The following TCEAL4 variants were observed in gnomAD, a reference collection of about 807,000 sequenced individuals.
The protein encoded by TCEAL4 is transcription elongation factor A protein-like 4.
Under a neutral mutation model 1.3 loss-of-function variants are expected in TCEAL4, and 1 was observed. The observed-to-expected ratio is 0.79, with a 90% confidence interval of 0.28 to 3.76. The LOEUF (loss-of-function observed/expected upper bound fraction) is 3.76, where lower values mean the gene tolerates loss of function less well. Ranked by LOEUF, TCEAL4 falls within the 30% of genes most tolerant of loss-of-function variation. TCEAL4 has a pLI of 0.18. For synonymous variants in TCEAL4, 54 were observed against 50.7 expected, an observed-to-expected ratio of 1.06 and a Z score of -0.28; for missense variants, 129 against 154.7, an observed-to-expected ratio of 0.83 and a Z score of 0.88.
chrX:103,586,653 G>A lies in TCEAL4; in HGVS notation c.-23G>A, dbSNP rs1340173498. 3 of 1,207,291 alleles carry A rather than the reference G, an allele frequency of 2.5e-6. No individual in the cohort carries two copies. Among genetic ancestry groups the A allele is most frequent in the Non-Finnish European group, 2.2e-6 (2 of 893,874 alleles). ...TCCTCCACCCCCATCCCCCAGGACA[G>A]GAAAAGGAGGGGAAATCTCGACATG... On this transcript the variant is annotated 5_prime_UTR_variant, in exon 3 of 3. Coordinates refer to ENST00000472484, the MANE Select transcript of TCEAL4 (RefSeq NM_001006935.3).
In TCEAL4 at chrX:103,585,520, G is replaced by A; in HGVS notation, c.-205G>A. 1 of 1,146,261 alleles carries A rather than the reference G, an allele frequency of 8.7e-7. No individual in the cohort carries two copies. Among genetic ancestry groups the A allele is most frequent in the Non-Finnish European group, 1.2e-6 (1 of 859,845 alleles). 94.5% of individuals were successfully genotyped at this position (1,146,261 alleles called of 1,213,427 possible). Reference sequence around the variant, plus strand: ...CTGCGGCATTCACGTGATCTGCACGGGCGCAGATGTAGGCACCGGTCCGAG... The same window carrying A: ...CTGCGGCATTCACGTGATCTGCACGAGCGCAGATGTAGGCACCGGTCCGAG... On this transcript the variant is annotated 5_prime_UTR_variant, in exon 1 of 3. Coordinates refer to ENST00000472484, the MANE Select transcript of TCEAL4 (RefSeq NM_001006935.3).
chrX:103,582,857 A>G (rs2073514430), upstream of TCEAL4, among the ~76,000 whole-genome samples: 1 of 111,698 alleles, frequency 9.0e-6, no homozygotes, highest in Non-Finnish European at 1.9e-5. Context: ...GGCAATTGCA[A>G]CAAAAGCAAC....
intron 1 of TCEAL4, chrX:103,576,663 C>T (rs2073485117): frequency 2.3e-6 from 1 of 443,560 alleles, no homozygotes; most frequent in Non-Finnish European, 3.9e-6. Flanking sequence ...ACTCAGGAGG[C>T]TGAAGCAGGA....
chrX:103,580,118 C>T (rs1036408108), intron 2 of TCEAL4, among the ~76,000 whole-genome samples: 16 of 112,197 alleles, frequency 1.4e-4, no homozygotes, highest in Non-Finnish European at 2.8e-4. Flanking sequence ...AGTGGCATCT[C>T]TAGAGGGCAA....
Position 103,587,090 on chromosome X carries a change from A to G in TCEAL4, c.415A>G (p.Lys139Glu). The change falls in exon 3 of 3, where the codon AAG becomes GAG. Residue 139 changes from lysine to glutamate, a missense_variant. Lys to Glu is a moderately conservative substitution (Grantham distance 56). Transcript: ENST00000472484. ...KTNKGLAHYLKEYKEAIHDMN... is the reference protein window; with the variant it reads ...KTNKGLAHYLEEYKEAIHDMN... ...TAATAAGGGGCTGGCTCATTACCTC[A>G]AGGAGTATAAAGAGGCCATACATGA... 8.3e-7 allele frequency: 1 copy of G among 1,211,422 alleles called. No homozygotes were observed. The highest frequency in any genetic ancestry group is 1.1e-6 in the Non-Finnish European group (1 of 895,443).
At chrX:103,584,521 A>G (rs2073525179), upstream of TCEAL4, among the ~76,000 whole-genome samples, 1 of 111,948 alleles carries the variant, frequency 8.9e-6, no homozygotes, top group Non-Finnish European at 1.9e-5. Flanking sequence ...TGTTCGCACC[A>G]CCACGAAATT....
At chrX:103,583,683 C>G (rs1037876473), upstream of TCEAL4, among the ~76,000 whole-genome samples, 3 of 111,432 alleles carry the variant, frequency 2.7e-5, no homozygotes, top group African/African-American at 9.8e-5. Context: ...TGTCAGGGAA[C>G]AACACACACA....
rs752260147 is a variant in TCEAL4, at chrX:103,587,362, G to A, written c.*39G>A. 8 of 1,142,044 alleles carry A rather than the reference G, an allele frequency of 7.0e-6. No individual in the cohort carries two copies. In the Middle Eastern group the frequency reaches 1.2e-3, roughly 178 times the overall value. The allele number at this position is 1,142,044 out of a possible 1,213,427, so 94.1% of individuals were successfully genotyped here. On this transcript the variant is annotated 3_prime_UTR_variant, in exon 3 of 3. Transcript: ENST00000472484. ...CATTTACCAGGCCATGTGCTTTAAC[G>A]TTACGGTAATACTTTACTTTAGGCA... is the stretch of plus-strand genomic sequence containing the variant.
upstream of TCEAL4, among the ~76,000 whole-genome samples, chrX:103,582,488 A>G (rs914988762): frequency 5.3e-5 from 6 of 112,234 alleles, no homozygotes; most frequent in African/African-American, 1.3e-4. Flanking sequence ...GAGGCATCAC[A>G]CTACCTGACT....
At chrX:103,584,405 C>T (rs1333472623), upstream of TCEAL4, among the ~76,000 whole-genome samples, 3 of 111,540 alleles carry the variant, frequency 2.7e-5, no homozygotes, top group African/African-American at 6.5e-5. Flanking sequence ...CACTGCGTAT[C>T]GATTGGTCAA....
upstream of TCEAL4, among the ~76,000 whole-genome samples, chrX:103,581,729 G>T (rs2073509112): frequency 1.8e-5 from 2 of 111,691 alleles, no homozygotes; most frequent in South Asian, 7.4e-4. Flanking sequence ...ACTACATATT[G>T]AAAGAACATA....
chrX:103,585,467 C>A, upstream of TCEAL4: 1 of 1,082,927 alleles, frequency 9.2e-7, no homozygotes. Flanking sequence ...GGCTAGGAGG[C>A]GGGGCGTGGG....
chrX:103,586,827 G>A lies in TCEAL4; in HGVS notation c.152G>A (p.Gly51Asp). 8.3e-7 allele frequency: 1 copy of A among 1,206,695 alleles called. No individual in the cohort carries two copies. Among genetic ancestry groups the A allele is most frequent in the South Asian group, 1.8e-5 (1 of 56,229 alleles). Residue 51 changes from glycine (G) to aspartate (D), a missense_variant, in exon 3 of 3, where the codon GGC (glycine) becomes GAC (aspartate). Gly to Asp is a moderately conservative substitution (Grantham distance 94, BLOSUM62 -1). Transcript: ENST00000472484. ...AACGAGGGAAAGACAGAAAACAAGG[G>A]CAAAACAGGAGATGAGGAAATGTTA... ...LENEGKTENK[G>D]KTGDEEMLKD...
chrX:103,581,654 G>A (rs746091621), upstream of TCEAL4, among the ~76,000 whole-genome samples: 3 of 111,258 alleles, frequency 2.7e-5, no homozygotes, highest in Non-Finnish European at 5.7e-5. Flanking sequence ...CATGATTATC[G>A]CAATAGATGT....
chrX:103,584,501 C>G (rs1340924530), upstream of TCEAL4, among the ~76,000 whole-genome samples: 1 of 112,035 alleles, frequency 8.9e-6, no homozygotes, highest in African/African-American at 3.2e-5. Flanking sequence ...TGTATAACTA[C>G]ACTCTACGAT....
rs745873765 is a variant in TCEAL4 at position 103,586,782 on chromosome X, TG to T, written c.109del (p.Glu37LysfsTer5). The T allele has an allele frequency of 8.3e-7, 1 of 1,211,148 alleles. No individual in the cohort carries two copies. Among genetic ancestry groups the T allele is most frequent in the Admixed American group, 2.2e-5 (1 of 45,971 alleles). On this transcript the variant is annotated frameshift_variant, in exon 3 of 3. Coordinates refer to ENST00000472484, the MANE Select transcript of TCEAL4 (RefSeq NM_001006935.3). LOFTEE classifies it low-confidence loss of function (END_TRUNC). ...AGAAAGCCAGAAGTAACTTGTACTC[TG>T]GAAGACAAGAAGTTAGAAAACGAGG... is the stretch of plus-strand genomic sequence containing the variant. ...DERKPEVTCT[L>X]EDKKLENEGK...
chrX:103,587,546 A>G lies in TCEAL4; in HGVS notation c.*223A>G, dbSNP rs965034213. On this transcript the variant is annotated 3_prime_UTR_variant, in exon 3 of 3. Transcript: ENST00000472484. ...TATGGCATCAGTACATTTTTGTAAA[A>G]CTACAAAGATACTTACCTAGTAATA... 3 of 345,301 alleles carry G rather than the reference A, an allele frequency of 8.7e-6. No individual in the cohort carries two copies. Among genetic ancestry groups the G allele is most frequent in the African/African-American group, 5.3e-5 (2 of 37,563 alleles). The allele number at this position is 345,301 out of a possible 1,213,427, so 28.5% of individuals were successfully genotyped here.
At chrX:103,580,434 A>G (rs979408078) in intron 2 of TCEAL4, among the ~76,000 whole-genome samples, 2 of 111,737 alleles carry the variant, frequency 1.8e-5, no homozygotes, top group Non-Finnish European at 3.8e-5. Context: ...TGTTCAATAA[A>G]TAATTGCTAT....
intron 1 of TCEAL4, 97 bp downstream of exon 1, chrX:103,585,721 G>T: frequency 8.6e-7 from 1 of 1,161,873 alleles, no homozygotes; most frequent in Non-Finnish European, 1.1e-6. Context: ...GGGTCGGGTC[G>T]AGTCGAGGGA....
Sources: gnomAD v4.1 joint callset for allele counts (sites outside exome capture counted in the v4.1 genomes callset) on GRCh38, gnomAD v4.1.1 for gene constraint, MANE v1.5 for transcripts, NCBI Gene and HGNC (gene_info 2026-07-23, HGNC 2026-07-21) for gene names.